GYG2: variants seen among roughly 807,000 people sequenced by gnomAD.
GYG2 encodes glycogenin-2.
GYG2 carries 29 observed loss-of-function variants against 29.4 expected under a neutral mutation model. That is an observed-to-expected ratio of 0.99 (90% CI 0.74 to 1.35). The LOEUF (loss-of-function observed/expected upper bound fraction) is 1.35, where lower values mean the gene tolerates loss of function less well. Ranked by LOEUF, GYG2 falls within the 40% of genes most tolerant of loss-of-function variation. GYG2 has a pLI of 0.00. For synonymous variants in GYG2, 167 were observed against 172.3 expected, an observed-to-expected ratio of 0.97 and a Z score of 0.24; for missense variants, 370 against 385.7, an observed-to-expected ratio of 0.96 and a Z score of 0.34.
chrX:2,876,673 C>G (rs190378055), intron 9 of GYG2, among the ~76,000 whole-genome samples: 16 of 110,565 alleles, frequency 1.4e-4, no homozygotes, highest in African/African-American at 3.9e-4. Context: ...ATAGTGCCGG[C>G]CGCGGTGGCT....
chrX:2,848,934 C>T (rs761447941), intron 3 of GYG2, among the ~76,000 whole-genome samples: 3 of 110,309 alleles, frequency 2.7e-5, no homozygotes, highest in Non-Finnish European at 1.9e-5. Flanking sequence ...TGAGGGATGG[C>T]GCTCTGCGGT....
intron 8 of GYG2, among the ~76,000 whole-genome samples, chrX:2,873,113 T>C (rs1314240218): frequency 2.7e-5 from 3 of 111,654 alleles, no homozygotes; most frequent in African/African-American, 9.8e-5. Context: ...TCAACCTGTC[T>C]GCCTCATAGG....
At chrX:2,866,195 C>T (rs747870458) in intron 8 of GYG2, among the ~76,000 whole-genome samples, 7 of 111,950 alleles carry the variant, frequency 6.3e-5, no homozygotes, top group African/African-American at 2.3e-4. Context: ...AATTTAACCT[C>T]ACAGAAGTGA....
rs200541016 is a variant in GYG2 at position 2,854,038 on chromosome X, G to T, written c.208G>T (p.Asp70Tyr). ...VIEVNLIDSA[D>Y]YIHLAFLKRP... ...TGAAGTGAATCTAATCGATAGTGCC[G>T]ACTACATCCACCTGGCCTTTCTGAA... is the stretch of plus-strand genomic sequence containing the variant. The change falls in exon 4 of 11, where the codon GAC becomes TAC. Residue 70 changes from aspartate (D) to tyrosine (Y), a missense_variant. Asp to Tyr is a radical substitution (Grantham distance 160). Transcript: ENST00000398806. The T allele has an allele frequency of 8.4e-7, 1 of 1,195,075 alleles. No homozygotes were observed. The highest frequency in any genetic ancestry group is 3.0e-5 in the East Asian group (1 of 33,696).
At chrX:2,833,868 C>T (rs1009496704) in intron 2 of GYG2, among the ~76,000 whole-genome samples, 4 of 112,577 alleles carry the variant, frequency 3.6e-5, no homozygotes, top group Non-Finnish European at 5.6e-5. Context: ...GTCCTCTGCA[C>T]CTTGCTTTGG....
At chrX:2,874,119 C>A (rs12011788) in intron 8 of GYG2, among the ~76,000 whole-genome samples, 3,115 of 102,090 alleles carry the variant, frequency 0.031, 42 homozygotes, top group Middle Eastern at 0.088. Context: ...TAAATAAAAT[C>A]AATTGCACTT....
chrX:2,841,066 T>C (rs1212066785), intron 2 of GYG2, among the ~76,000 whole-genome samples: 2 of 110,004 alleles, frequency 1.8e-5, no homozygotes, highest in African/African-American at 6.6e-5. Context: ...TATAGTAAGA[T>C]AGATAATAGA....
intron 8 of GYG2, among the ~76,000 whole-genome samples, chrX:2,875,581 T>C (rs1314429563): frequency 9.3e-6 from 1 of 108,059 alleles, no homozygotes; most frequent in South Asian, 4.1e-4. Flanking sequence ...ACTTCCATGG[T>C]CCTGTCCAGG....
chrX:2,866,811 T>G (rs944067883), intron 8 of GYG2, among the ~76,000 whole-genome samples: 2 of 88,909 alleles, frequency 2.2e-5, no homozygotes, highest in Non-Finnish European at 4.4e-5. Context: ...TATGTGTCAA[T>G]TTTTAAAAAG....
intron 3 of GYG2, among the ~76,000 whole-genome samples, chrX:2,846,846 C>T (rs2087748506): frequency 8.9e-6 from 1 of 111,960 alleles, no homozygotes; most frequent in East Asian, 2.8e-4. Flanking sequence ...GTTTTAAAAG[C>T]AAATAGTATA....
chrX:2,877,128 T>G, intron 9 of GYG2, 72 bp from the exon 10 acceptor site: 1 of 1,168,324 alleles, frequency 8.6e-7, no homozygotes, highest in African/African-American at 1.8e-5. Context: ...TAAAGAGTTC[T>G]CCATCATTTA....
At chrX:2,838,900 A>C (rs1242484530) in intron 2 of GYG2, among the ~76,000 whole-genome samples, 1 of 112,123 alleles carries the variant, frequency 8.9e-6, no homozygotes, top group Non-Finnish European at 1.9e-5. Context: ...GTGCAGTCAG[A>C]ATTTTTATGT....
Position 2,856,780 on chromosome X carries a change from CT to C in GYG2, c.614+157del, listed in dbSNP as rs1368538553. 4.3e-3 allele frequency among the ~76,000 whole-genome samples: 340 copies of C among 79,833 alleles called. No individual in the cohort carries two copies. Among genetic ancestry groups the C allele is most frequent in the African/African-American group, 0.012 (305 of 25,487 alleles). The allele number at this position is 79,833 out of a possible 115,157, so 69.3% of individuals were successfully genotyped here. On this transcript the variant is annotated intron_variant, in intron 6 of 10. Coordinates refer to ENST00000398806, the MANE Select transcript of GYG2 (RefSeq NM_001079855.2). ...TCTATCTATCTATCTATCTATCTAT[CT>C]ATCTATCATCTATCTATCATCTATC...
intron 4 of GYG2, 88 bp downstream of exon 4, chrX:2,854,242 G>A: frequency 1.6e-6 from 1 of 621,172 alleles, no homozygotes; most frequent in South Asian, 3.0e-5. Flanking sequence ...TTGTGTGTGT[G>A]TGACACAGTC....
chrX:2,830,306 C>G (rs2087236046), intron 2 of GYG2, 111 bp downstream of exon 2: 1 of 688,742 alleles, frequency 1.5e-6, no homozygotes, highest in Admixed American at 2.5e-5. Context: ...GCCCCAAACC[C>G]CGAGTCTCCC....
intron 3 of GYG2, among the ~76,000 whole-genome samples, chrX:2,848,991 C>G (rs1002477682): frequency 1.8e-5 from 2 of 110,967 alleles, no homozygotes; most frequent in African/African-American, 6.6e-5. Context: ...CGTAAATGAC[C>G]AGGGGTGTGG....
intron 2 of GYG2, among the ~76,000 whole-genome samples, chrX:2,841,767 G>A (rs2087507220): frequency 9.0e-6 from 1 of 111,727 alleles, no homozygotes; most frequent in Non-Finnish European, 1.9e-5. Context: ...CGCTGTGGTC[G>A]CCTACATGCT....
rs769111540 is a variant in GYG2, at chrX:2,871,151, G to A, written c.1039-4659G>A. On this transcript the variant is annotated intron_variant, in intron 8 of 10. Transcript: ENST00000398806. The stretch of plus-strand genomic sequence containing the variant: ...TATTTCTGGTTCTCCTCTCAGTGAG[G>A]TCACAAAAGAAAGCTTGTGGTGTGT... Among the ~76,000 whole-genome samples the A allele has an allele frequency of 6.2e-4, 68 of 109,888 alleles. 4 individuals are homozygous for A. The highest frequency in any genetic ancestry group is 1.3e-4 in the Non-Finnish European group (7 of 52,792).
chrX:2,855,041 GC>G lies in GYG2; in HGVS notation c.377del (p.Pro126ArgfsTer44), dbSNP rs1282138754. 1 of 1,211,532 alleles carries G rather than the reference GC, an allele frequency of 8.3e-7. No individual in the cohort carries two copies. The highest frequency in any genetic ancestry group is 1.8e-5 in the South Asian group (1 of 56,989). On this transcript the variant is annotated frameshift_variant, in exon 5 of 11. Transcript: ENST00000398806. LOFTEE classifies it high-confidence loss of function. ...ELFDRGEFSA[A>X]PDPGWPDCFN... Reference sequence around the variant, plus strand: ...GTTTGACAGGGGAGAGTTTTCTGCGGCCCCGGACCCCGGATGGCCGGATTGC... The same window carrying G: ...GTTTGACAGGGGAGAGTTTTCTGCGGCCCGGACCCCGGATGGCCGGATTGC...
Sources: gnomAD v4.1 joint callset for allele counts (sites outside exome capture counted in the v4.1 genomes callset) on GRCh38, gnomAD v4.1.1 for gene constraint, MANE v1.5 for transcripts, NCBI Gene and HGNC (gene_info 2026-07-23, HGNC 2026-07-21) for gene names.